ABCC3: variants seen among roughly 807,000 people sequenced by gnomAD.
ABCC3 encodes the protein ATP-binding cassette sub-family C member 3.
Under a neutral mutation model 165.3 loss-of-function variants are expected in ABCC3, and 121 were observed. That is an observed-to-expected ratio of 0.73 (90% CI 0.63 to 0.85). The LOEUF (loss-of-function observed/expected upper bound fraction) is 0.85, where lower values mean the gene tolerates loss of function less well. ABCC3 is among the 40% of genes least tolerant of loss of function. ABCC3 has a pLI of 0.00. For missense variants in ABCC3, 1,869 were observed against 1,964.1 expected (o/e 0.95, Z 0.92); for synonymous variants, 733 against 810.1 (o/e 0.90, Z 1.62).
intron 6 of ABCC3, 75 bp downstream of exon 6, chr17:50,658,571 G>T: frequency 4.6e-6 from 7 of 1,524,008 alleles, no homozygotes; most frequent in Non-Finnish European, 6.4e-6. Flanking sequence ...GGGGAGCAGG[G>T]CAGCAGTTTA....
In ABCC3 at chr17:50,687,554, C is replaced by T. The variant is rs551975826; in HGVS notation, c.4299C>T (p.Leu1433=). Residue 1433 remains leucine, a synonymous_variant, in exon 30 of 31, where the codon CTC becomes CTT. Coordinates refer to ENST00000285238, the MANE Select transcript of ABCC3 (RefSeq NM_003786.4). ...CTCCCAGCGTGGGCCAGAGGCAGCT[C>T]GTGTGCCTGGCCCGAGCCCTGCTCC... The part of the protein sequence containing the change: ...GENLSVGQRQ[L]VCLARALLRK... 29 of 1,613,538 alleles carry T rather than the reference C, an allele frequency of 1.8e-5. No individual in the cohort carries two copies. Among genetic ancestry groups the T allele is most frequent in the Middle Eastern group, 1.6e-4 (1 of 6,084 alleles).
rs150601692 is a variant in ABCC3 at position 50,684,024 on chromosome 17, A to G, written c.4030A>G (p.Lys1344Glu). 1,230 of 1,612,980 alleles carry G rather than the reference A, an allele frequency of 7.6e-4. 12 individuals are homozygous for G. Among genetic ancestry groups the G allele is most frequent in the South Asian group, 7.1e-3 (648 of 90,952 alleles). ...LCLFRILEAA[K>E]GEIRIDGLNV... ...CCTGTTCCGCATCCTGGAGGCGGCA[A>G]AGGGTGAAATCCGCATTGATGGCCT... The change falls in exon 28 of 31, where the codon AAG (lysine) becomes GAG (glutamate). Residue 1344 changes from lysine (K) to glutamate (E), a missense_variant. Lys to Glu is a moderately conservative substitution (Grantham distance 56). Transcript: ENST00000285238.
chr17:50,655,804 A>T (rs955214541), intron 1 of ABCC3, 28 bp from the exon 2 acceptor site: 3 of 1,605,136 alleles, frequency 1.9e-6, no homozygotes, highest in Non-Finnish European at 2.6e-6. Context: ...GGGCTGCCAC[A>T]GCACTAAACT....
intron 1 of ABCC3, chr17:50,635,535 T>A (rs1481354342): frequency 1.3e-5 from 9 of 702,336 alleles, no homozygotes; most frequent in Non-Finnish European, 2.3e-5. Context: ...AAGACTGAGG[T>A]CTGAGAGCAG....
intron 11 of ABCC3, among the ~76,000 whole-genome samples, chr17:50,665,863 T>C (rs187124620): frequency 6.6e-6 from 1 of 151,826 alleles, no homozygotes; most frequent in African/African-American, 2.4e-5. Context: ...CCGTTCATCT[T>C]AGCCTCCCAA....
At chr17:50,658,356 G>T in intron 5 of ABCC3, 79 bp from the exon 6 acceptor site, 1 of 1,581,552 alleles carries the variant, frequency 6.3e-7, no homozygotes. Flanking sequence ...AGGAACAAGG[G>T]TCCCCTCCAT....
chr17:50,643,425 A>C lies in ABCC3; in HGVS notation c.45+8444A>C, dbSNP rs376476272. 8.2e-5 allele frequency: 34 copies of C among 416,330 alleles called. No homozygotes were observed. The East Asian group carries it at 1.6e-3, about 19-fold the overall frequency. The allele number at this position is 416,330 out of a possible 1,614,324, so 25.8% of individuals were successfully genotyped here. On this transcript the variant is annotated intron_variant, in intron 1 of 30. Transcript: ENST00000285238. ...TGAATACTGAATACTGAATAGGACAAGATGTACATGGTACAACTTCTGCCC... is the reference window on the plus strand; with the variant it reads ...TGAATACTGAATACTGAATAGGACACGATGTACATGGTACAACTTCTGCCC...
chr17:50,675,435 C>G lies in ABCC3; in HGVS notation c.2673C>G (p.Asp891Glu). ...DTLSNHTDLTDNDPVTYVVQK... is the reference protein window; with the variant it reads ...DTLSNHTDLTENDPVTYVVQK... ...TCAGCAACCACACGGATCTGACAGA[C>G]AATGATCCAGTCACCTATGTGGTCC... Residue 891 changes from aspartate (D) to glutamate (E), a missense_variant, in exon 20 of 31, where the codon GAC becomes GAG. Transcript: ENST00000285238. The G allele has an allele frequency of 6.2e-7, 1 of 1,614,094 alleles. No homozygotes were observed. Among genetic ancestry groups the G allele is most frequent in the Non-Finnish European group, 8.5e-7 (1 of 1,179,996 alleles).
At position 50,671,702 on chromosome 17, in the gene ABCC3, CTTTTTTTTTTTTT is replaced by C. The variant is rs386386244; in HGVS notation, c.2242-1251_2242-1239del. 6.4e-4 allele frequency among the ~76,000 whole-genome samples: 36 copies of C among 56,398 alleles called. No individual in the cohort carries two copies. In the Admixed American group the frequency reaches 7.3e-3, roughly 11 times the overall value. 37.0% of individuals were successfully genotyped at this position (56,398 alleles called of 152,430 possible). On this transcript the variant is annotated intron_variant, in intron 17 of 30. Transcript: ENST00000285238. The stretch of plus-strand genomic sequence containing the variant: ...AGCTCAGGTCTCTCTTCCTTCCTTC[CTTTTTTTTTTTTT>C]TTTTTTTTTTTTTTTTTGAGACAAG...
At chr17:50,687,515 G>C (rs762953622) in intron 29 of ABCC3, 21 bp from the exon 30 acceptor site, 11 of 1,607,774 alleles carry the variant, frequency 6.8e-6, no homozygotes, top group Non-Finnish European at 9.3e-6. Flanking sequence ...AGCTGGAAAT[G>C]CCTGCCTTCT....
intron 1 of ABCC3, among the ~76,000 whole-genome samples, chr17:50,644,656 G>C (rs187484244): frequency 2.6e-5 from 4 of 152,256 alleles, no homozygotes; most frequent in African/African-American, 9.6e-5. Flanking sequence ...AGGTTGCAGA[G>C]AGCTGAGATC....
chr17:50,673,163 G>A (rs1367954860), intron 18 of ABCC3, 25 bp downstream of exon 18: 5 of 1,612,224 alleles, frequency 3.1e-6, no homozygotes, highest in Non-Finnish European at 4.2e-6. Context: ...AGGCTAAGGG[G>A]GCTAAGGTGA....
At position 50,642,311 on chromosome 17, in the gene ABCC3, TG is replaced by T. The variant is rs1182903835; in HGVS notation, c.45+7331del. Among the ~76,000 whole-genome samples the T allele has an allele frequency of 2.0e-5, 3 of 152,178 alleles. No homozygotes were observed. In the East Asian group the frequency reaches 5.8e-4, roughly 29 times the overall value. On this transcript the variant is annotated intron_variant, in intron 1 of 30. Coordinates refer to ENST00000285238, the MANE Select transcript of ABCC3 (RefSeq NM_003786.4). Reference sequence around the variant, plus strand: ...AAATAGGGAGTTAGGGGTGAGGGCCTGTGTGGGCGGGTACCCCCTGCCTCCT... The same window carrying T: ...AAATAGGGAGTTAGGGGTGAGGGCCTTGTGGGCGGGTACCCCCTGCCTCCT...
At position 50,691,581 on chromosome 17, in the gene ABCC3, TG is replaced by T. The variant is rs1388118627; in HGVS notation, c.*383del. 1 of 225,716 alleles carries T rather than the reference TG, an allele frequency of 4.4e-6. No individual in the cohort carries two copies. Among genetic ancestry groups the T allele is most frequent in the Non-Finnish European group, 9.0e-6 (1 of 111,052 alleles). The allele number at this position is 225,716 out of a possible 1,614,324, so 14.0% of individuals were successfully genotyped here. A position where few individuals can be genotyped will look rare whatever the true frequency, so the allele number is the denominator to read the frequency against. On this transcript the variant is annotated 3_prime_UTR_variant, in exon 31 of 31. Coordinates refer to ENST00000285238, the MANE Select transcript of ABCC3 (RefSeq NM_003786.4). ...TTTTTAATAAAAAGCTTTTTCCTCC[TG>T]GAACAGAAGACAGCTGCTGGGTCAG...
chr17:50,648,047 A>G (rs1461760412), intron 1 of ABCC3, among the ~76,000 whole-genome samples: 1 of 152,184 alleles, frequency 6.6e-6, no homozygotes, highest in Non-Finnish European at 1.5e-5. Context: ...CAAAAGAAAA[A>G]AAAAAATTGT....
intron 1 of ABCC3, among the ~76,000 whole-genome samples, chr17:50,655,001 G>A (rs539413867): frequency 7.4e-5 from 11 of 149,556 alleles, no homozygotes; most frequent in African/African-American, 2.7e-4. Flanking sequence ...TCCAGAGGCT[G>A]AGGCAGGAGA....
At chr17:50,682,604 C>T (rs1296189008) in intron 26 of ABCC3, among the ~76,000 whole-genome samples, 2 of 152,104 alleles carry the variant, frequency 1.3e-5, no homozygotes, top group African/African-American at 4.8e-5. Context: ...GGCTTGTTCC[C>T]TCACCTCCTT....
chr17:50,662,888 A>G (rs1268632669), intron 8 of ABCC3, among the ~76,000 whole-genome samples: 1 of 152,232 alleles, frequency 6.6e-6, no homozygotes, highest in East Asian at 1.9e-4. Context: ...AGACTCGGTC[A>G]TGTCAATAGG....
chr17:50,643,662 G>A (rs1421444285), intron 1 of ABCC3: 1 of 456,038 alleles, frequency 2.2e-6, no homozygotes, highest in African/African-American at 2.0e-5. Context: ...GATGAAGAAG[G>A]TGGGTTTTCA....
Sources: gnomAD v4.1 joint callset for allele counts (sites outside exome capture counted in the v4.1 genomes callset) on GRCh38, gnomAD v4.1.1 for gene constraint, MANE v1.5 for transcripts, NCBI Gene and HGNC (gene_info 2026-07-23, HGNC 2026-07-21) for gene names.